SSH3: variants seen among roughly 807,000 people sequenced by gnomAD.
The protein encoded by SSH3 is protein phosphatase Slingshot homolog 3.
SSH3 carries 67 observed loss-of-function variants against 75.0 expected under a neutral mutation model. The ratio of observed to expected loss-of-function variants is 0.89; its 90% CI spans 0.73 to 1.10. The LOEUF (loss-of-function observed/expected upper bound fraction) is 1.10. Among genes scored for constraint, SSH3 ranks in the 50% least tolerant of loss-of-function variants. The probability of loss-of-function intolerance (pLI) is 0.00; values close to 1 mark genes in which losing one functional copy is unlikely to be tolerated. For synonymous variants in SSH3, 318 were observed against 349.2 expected, an observed-to-expected ratio of 0.91 and a Z score of 1.00; for missense variants, 824 against 872.7, an observed-to-expected ratio of 0.94 and a Z score of 0.70.
intron 1 of SSH3, 168 bp downstream of exon 1, chr11:67,303,859 C>T: frequency 3.8e-6 from 3 of 786,184 alleles, no homozygotes; most frequent in Non-Finnish European, 5.6e-6. Flanking sequence ...GGCGCCGGGG[C>T]ACAATCCAGA....
At chr11:67,306,716 C>A in intron 3 of SSH3, 122 bp from the exon 4 acceptor site, 1 of 1,190,916 alleles carries the variant, frequency 8.4e-7, no homozygotes, top group Non-Finnish European at 1.1e-6. Flanking sequence ...GATTTTACAT[C>A]TGGGAAGAGG....
Position 67,312,023 on chromosome 11 carries a change from C to A in SSH3, c.*136C>A. 1 of 1,167,778 alleles carries A rather than the reference C, an allele frequency of 8.6e-7. No individual in the cohort carries two copies. 72.3% of individuals were successfully genotyped at this position (1,167,778 alleles called of 1,614,324 possible). ...CGTCACTACAGCCTCACCTCCCACC[C>A]CTGTCACTACGGCCTCACCTCCCAC... On this transcript the variant is annotated 3_prime_UTR_variant, in exon 14 of 14. Coordinates refer to ENST00000308127, the MANE Select transcript of SSH3 (RefSeq NM_017857.4).
intron 1 of SSH3, 139 bp downstream of exon 1, chr11:67,303,830 C>T (rs1057146692): frequency 4.4e-6 from 4 of 901,672 alleles, no homozygotes; most frequent in Admixed American, 3.8e-5. Flanking sequence ...CGCTGGGGGC[C>T]TCGAGGGTCT....
intron 13 of SSH3, 137 bp downstream of exon 13, chr11:67,310,476 G>T: frequency 8.4e-7 from 1 of 1,194,142 alleles, no homozygotes. Context: ...CCCATGCAGG[G>T]TGTCCTGGGA....
chr11:67,304,188 G>A (rs1861159033), intron 2 of SSH3, 33 bp downstream of exon 2: 12 of 1,535,676 alleles, frequency 7.8e-6, no homozygotes, highest in African/African-American at 1.4e-5. Flanking sequence ...AGACACTTCC[G>A]TCTGCCCCGG....
chr11:67,303,790 G>A (rs1861137249), intron 1 of SSH3, 99 bp downstream of exon 1: 20 of 1,288,132 alleles, frequency 1.6e-5, no homozygotes, highest in Non-Finnish European at 1.9e-5. Flanking sequence ...GGGGACATGA[G>A]GAGGGGGCCC....
At position 67,311,683 on chromosome 11, in the gene SSH3, G is replaced by A. The variant is rs1464926265; in HGVS notation, c.1776G>A (p.Gly592=). ...AGGGAGGCCAGCAGGTGGACAGGGG[G>A]CCTCAGCCTGCCCTGAAGTCCCGCC... ...RTKGGQQVDR[G]PQPALKSRQS... The change falls in exon 14 of 14, where the codon GGG becomes GGA. Residue 592 remains glycine, a synonymous_variant. Coordinates refer to ENST00000308127, the MANE Select transcript of SSH3 (RefSeq NM_017857.4). 5.0e-6 allele frequency: 8 copies of A among 1,613,934 alleles called. No individual in the cohort carries two copies. The highest frequency in any genetic ancestry group is 6.8e-6 in the Non-Finnish European group (8 of 1,180,024).
Position 67,304,792 on chromosome 11 carries a change from C to T in SSH3, c.124C>T (p.Arg42Cys), listed in dbSNP as rs773991846. ...TGCCAGGCAGAGCTTTGCGGTGCTC[C>T]GTGGGGCTGTCCTGGGACTGCAGGA... The part of the protein sequence containing the change: ...LQRRQSFAVL[R>C]GAVLGLQDGG... Residue 42 changes from arginine to cysteine, a missense_variant, in exon 3 of 14, where the codon CGT (arginine) becomes TGT (cysteine). Arg to Cys is a radical substitution (Grantham distance 180, BLOSUM62 -3). Coordinates refer to ENST00000308127, the MANE Select transcript of SSH3 (RefSeq NM_017857.4). 1.2e-5 allele frequency: 19 copies of T among 1,608,032 alleles called. No individual in the cohort carries two copies. The highest frequency in any genetic ancestry group is 2.7e-5 in the African/African-American group (2 of 74,882).
In SSH3 at chr11:67,310,190, G is replaced by A; in HGVS notation, c.1534G>A (p.Val512Ile). The change falls in exon 13 of 14, where the codon GTT becomes ATT. Residue 512 changes from valine to isoleucine, a missense_variant. Physicochemically the swap from Val to Ile is conservative, Grantham distance 29 (BLOSUM62 3). Coordinates refer to ENST00000308127, the MANE Select transcript of SSH3 (RefSeq NM_017857.4). ...ACCTGAGGGTGGTGGGGAGGAGAAG[G>A]TTGTAGGCATGGAAGAGAGCCAGGC... ...PEPEGGGEEK[V>I]VGMEESQAAP... 6.2e-7 allele frequency: 1 copy of A among 1,614,230 alleles called. No homozygotes were observed. Among genetic ancestry groups the A allele is most frequent in the Non-Finnish European group, 8.5e-7 (1 of 1,180,042 alleles).
rs756221855 is a variant in SSH3 at position 67,308,500 on chromosome 11, T to G, written c.1061+42T>G. 2 of 1,553,068 alleles carry G rather than the reference T, an allele frequency of 1.3e-6. No homozygotes were observed. Among genetic ancestry groups the G allele is most frequent in the East Asian group, 2.4e-5 (1 of 41,088 alleles). On this transcript the variant is annotated intron_variant, in intron 10 of 13. Transcript: ENST00000308127. The surrounding 1 kb of genome is among the most constrained non-coding windows in gnomAD (Gnocchi z 4.9). ...CTCGGGCCACCCACCCCATCTTCCCTTCTCCTGGCCTCCCCGCATTGGGTG... is the reference window on the plus strand; with the variant it reads ...CTCGGGCCACCCACCCCATCTTCCCGTCTCCTGGCCTCCCCGCATTGGGTG...
In SSH3 at chr11:67,311,305, G is replaced by A. The variant is rs77457841; in HGVS notation, c.1684-286G>A. ...CATAGGAGGGGAGGAGGGCAGGGAG[G>A]CCTGGGTCTCCAGGGAGCTGAGGAG... is the stretch of plus-strand genomic sequence containing the variant. On this transcript the variant is annotated intron_variant, in intron 13 of 13. Transcript: ENST00000308127. Among the ~76,000 whole-genome samples the A allele has an allele frequency of 7.6e-3, 1,159 of 152,054 alleles. 13 individuals are homozygous for A. Among genetic ancestry groups the A allele is most frequent in the African/African-American group, 0.026 (1,085 of 41,498 alleles).
Position 67,307,434 on chromosome 11 carries a change from G to C in SSH3, c.600G>C (p.Met200Ile). Residue 200 changes from methionine (M) to isoleucine (I), a missense_variant and splice_region_variant, in exon 6 of 14, where the codon ATG becomes ATC. Met to Ile is a conservative substitution (Grantham distance 10). Transcript: ENST00000308127. The surrounding 1 kb of genome is among the most constrained non-coding windows in gnomAD (Gnocchi z 4.2). ...TCAAGCCCATCTCCATCCAGACCAT[G>C]TGGTAAGGACAGAGACTGCCTGGAC... is the stretch of plus-strand genomic sequence containing the variant. Reference protein sequence around the residue: ...RIFKPISIQTMWATLQVLHQA... With the variant: ...RIFKPISIQTIWATLQVLHQA... 1 of 1,614,032 alleles carries C rather than the reference G, an allele frequency of 6.2e-7. No individual in the cohort carries two copies. The highest frequency in any genetic ancestry group is 1.7e-4 in the Middle Eastern group (1 of 6,060).
In SSH3 at chr11:67,310,122, C is replaced by T; in HGVS notation, c.1466C>T (p.Pro489Leu). 2 of 1,614,148 alleles carry T rather than the reference C, an allele frequency of 1.2e-6. No individual in the cohort carries two copies. Among genetic ancestry groups the T allele is most frequent in the South Asian group, 1.1e-5 (1 of 91,090 alleles). ...GGTGGGGTCTCCCCAGAGGAGCACCCAGCCCCTGAAGTCTCTACACCATTC... is the reference window on the plus strand; with the variant it reads ...GGTGGGGTCTCCCCAGAGGAGCACCTAGCCCCTGAAGTCTCTACACCATTC... ...KVGGVSPEEH[P>L]APEVSTPFPP... The change falls in exon 13 of 14, where the codon CCA (proline) becomes CTA (leucine). Residue 489 changes from proline (P) to leucine (L), a missense_variant. By Grantham distance (98) the Pro-to-Leu change is moderately conservative (BLOSUM62 -3). Coordinates refer to ENST00000308127, the MANE Select transcript of SSH3 (RefSeq NM_017857.4).
In SSH3 at chr11:67,307,508, A is replaced by C; in HGVS notation, c.603-41A>C. On this transcript the variant is annotated intron_variant, in intron 6 of 13. Coordinates refer to ENST00000308127, the MANE Select transcript of SSH3 (RefSeq NM_017857.4). This position sits in a 1 kb window ranked among gnomAD's most constrained non-coding sequence, Gnocchi z 4.2. ...GAGGCTGCAGGGCCTGGGGAAGGGCAGCAAGGGAACAGTGTGACCCAGCCT... is the reference window on the plus strand; with the variant it reads ...GAGGCTGCAGGGCCTGGGGAAGGGCCGCAAGGGAACAGTGTGACCCAGCCT... The C allele has an allele frequency of 6.2e-7, 1 of 1,612,578 alleles. No homozygotes were observed. The highest frequency in any genetic ancestry group is 1.1e-5 in the South Asian group (1 of 91,052).
intron 13 of SSH3, 45 bp downstream of exon 13, chr11:67,310,384 A>G: frequency 1.3e-6 from 2 of 1,559,912 alleles, no homozygotes; most frequent in Non-Finnish European, 8.7e-7. Context: ...GGTGGGGGCC[A>G]TAAGGAGGGA....
Position 67,306,894 on chromosome 11 carries a change from T to C in SSH3, c.396T>C (p.Ser132=). 1 of 1,613,716 alleles carries C rather than the reference T, an allele frequency of 6.2e-7. No homozygotes were observed. The highest frequency in any genetic ancestry group is 8.5e-7 in the Non-Finnish European group (1 of 1,179,730). Reference sequence around the variant, plus strand: ...GGCTCCGCTACCTGCTGGTAGTTTCTACACGAGAAGGAGAAGGTCTGAGCC... The same window carrying C: ...GGCTCCGCTACCTGCTGGTAGTTTCCACACGAGAAGGAGAAGGTCTGAGCC... ...PPRLRYLLVV[S]TREGEGLSQD... The change falls in exon 4 of 14, where the codon TCT becomes TCC. Residue 132 remains serine, a synonymous_variant. Coordinates refer to ENST00000308127, the MANE Select transcript of SSH3 (RefSeq NM_017857.4).
chr11:67,309,268 ACT>A (rs1861341496), intron 10 of SSH3, 127 bp from the exon 11 acceptor site: 11 of 1,181,378 alleles, frequency 9.3e-6, no homozygotes, highest in Non-Finnish European at 3.6e-6. Context: ...TTCTCCTCCC[ACT>A]GTCACTGCTG....
Position 67,306,829 on chromosome 11 carries a change from TC to T in SSH3, c.340-3del. 3 of 1,604,300 alleles carry T rather than the reference TC, an allele frequency of 1.9e-6. No individual in the cohort carries two copies. Among genetic ancestry groups the T allele is most frequent in the Middle Eastern group, 1.8e-4 (1 of 5,474 alleles). Reference sequence around the variant, plus strand: ...CCACTGTGACCCTGGGTTCCTCATCTCCCCCCAGGCAGCCCAGCTGGAGGCA... The same window carrying T: ...CCACTGTGACCCTGGGTTCCTCATCTCCCCCAGGCAGCCCAGCTGGAGGCA... On this transcript the variant is annotated splice_polypyrimidine_tract_variant and splice_region_variant and intron_variant, in intron 3 of 13. Coordinates refer to ENST00000308127, the MANE Select transcript of SSH3 (RefSeq NM_017857.4).
rs1409175591 is a variant in SSH3 at position 67,307,334 on chromosome 11, C to G, written c.537-37C>G. ...AAGGATGGGTTCTCTGTCGCAGAGCCTGGAGTCTGGCCTCACCTGTGCCTG... is the reference window on the plus strand; with the variant it reads ...AAGGATGGGTTCTCTGTCGCAGAGCGTGGAGTCTGGCCTCACCTGTGCCTG... On this transcript the variant is annotated intron_variant, in intron 5 of 13. Transcript: ENST00000308127. This position sits in a 1 kb window ranked among gnomAD's most constrained non-coding sequence, Gnocchi z 4.2. 1 of 1,612,472 alleles carries G rather than the reference C, an allele frequency of 6.2e-7. No individual in the cohort carries two copies. The highest frequency in any genetic ancestry group is 1.3e-5 in the African/African-American group (1 of 74,870).
Sources: gnomAD v4.1 joint callset for allele counts (sites outside exome capture counted in the v4.1 genomes callset) on GRCh38, gnomAD v4.1.1 for gene constraint, Gnocchi (gnomAD v3.1) non-coding constraint, MANE v1.5 for transcripts, NCBI Gene and HGNC (gene_info 2026-07-23, HGNC 2026-07-21) for gene names.